The following HMOX2 variants were observed in gnomAD, a reference collection of about 807,000 sequenced individuals.
The protein encoded by HMOX2 is heme oxygenase (decycling) 2.
A neutral mutation model predicts 33.7 loss-of-function variants in HMOX2; 30 were observed. The observed-to-expected ratio is 0.89, with a 90% CI of 0.67 to 1.21. The LOEUF is 1.21. HMOX2 is among the 50% of genes most tolerant of loss of function. HMOX2 has a pLI of 0.00. For synonymous variants in HMOX2, 155 were observed against 155.0 expected, an observed-to-expected ratio of 1.00 and a Z score of 0.00; for missense variants, 403 against 399.1, an observed-to-expected ratio of 1.01 and a Z score of -0.08.
intron 1 of HMOX2, among the ~76,000 whole-genome samples, chr16:4,487,488 T>C (rs1238373141): frequency 1.3e-5 from 2 of 150,176 alleles, no homozygotes; most frequent in Non-Finnish European, 3.0e-5. Context: ...CTGACCAACA[T>C]GGAGAAACCC....
At position 4,508,126 on chromosome 16, in the gene HMOX2, G is replaced by A; in HGVS notation, c.618G>A (p.Met206Ile). 6.2e-7 allele frequency: 1 copy of A among 1,614,192 alleles called. No homozygotes were observed. The highest frequency in any genetic ancestry group is 2.2e-5 in the East Asian group (1 of 44,884). ...QQFKQLYRAR[M>I]NALDLNMKTK... ...TCAAGCAGCTCTACCGGGCCAGGAT[G>A]AACGCCCTGGACCTGAACATGAAGA... The change falls in exon 4 of 6, where the codon ATG (methionine) becomes ATA (isoleucine). Residue 206 changes from methionine to isoleucine, a missense_variant. Physicochemically the swap from Met to Ile is conservative, Grantham distance 10. Coordinates refer to ENST00000570646, the MANE Select transcript of HMOX2 (RefSeq NM_002134.4).
At chr16:4,478,405 A>C (rs1008282356) in intron 1 of HMOX2, among the ~76,000 whole-genome samples, 1 of 152,156 alleles carries the variant, frequency 6.6e-6, no homozygotes, top group Non-Finnish European at 1.5e-5. Flanking sequence ...CTACATCAGG[A>C]TTGCACCCAA....
chr16:4,500,681 C>A (rs1368978556), intron 1 of HMOX2, among the ~76,000 whole-genome samples: 1 of 152,184 alleles, frequency 6.6e-6, no homozygotes, highest in African/African-American at 2.4e-5. Flanking sequence ...AGTTACCTGA[C>A]CTGAAATTTG....
intron 1 of HMOX2, among the ~76,000 whole-genome samples, chr16:4,490,015 A>G (rs1423321858): frequency 1.3e-5 from 2 of 152,242 alleles, no homozygotes; most frequent in Non-Finnish European, 2.9e-5. Context: ...TCATTCATTC[A>G]GTCAACAAAC....
At chr16:4,504,682 CTTT>C (rs56922429) in intron 1 of HMOX2, among the ~76,000 whole-genome samples, 2 of 65,838 alleles carry the variant, frequency 3.0e-5, no homozygotes, top group African/African-American at 7.7e-5. Context: ...TTGATACGGT[CTTT>C]TTTTTTTTTT....
intron 1 of HMOX2, among the ~76,000 whole-genome samples, chr16:4,495,334 CCTT>C (rs2058393317): frequency 6.6e-6 from 1 of 152,194 alleles, no homozygotes; most frequent in African/African-American, 2.4e-5. Context: ...AGCCGACCAT[CCTT>C]CTTTGAGCAA....
At position 4,509,899 on chromosome 16, in the gene HMOX2, T is replaced by C; in HGVS notation, c.*143T>C. ...AAGGCAACCAATAAAAGCCAGATGCTAGAGCCTCTGCCTGACAGCATCCTC... is the reference window on the plus strand; with the variant it reads ...AAGGCAACCAATAAAAGCCAGATGCCAGAGCCTCTGCCTGACAGCATCCTC... On this transcript the variant is annotated 3_prime_UTR_variant, in exon 6 of 6. Transcript: ENST00000570646. 1 of 879,984 alleles carries C rather than the reference T, an allele frequency of 1.1e-6. No homozygotes were observed. The highest frequency in any genetic ancestry group is 1.7e-5 in the South Asian group (1 of 58,090). 54.5% of individuals were successfully genotyped at this position (879,984 alleles called of 1,614,324 possible).
At chr16:4,509,350 TAAAA>T in intron 4 of HMOX2, 58 bp from the exon 5 acceptor site, 2 of 1,377,232 alleles carry the variant, frequency 1.5e-6, no homozygotes, top group Non-Finnish European at 2.0e-6. Flanking sequence ...AAAAGACATT[TAAAA>T]AAAAAAAAAA....
At chr16:4,508,831 G>A (rs9925402) in intron 4 of HMOX2, among the ~76,000 whole-genome samples, 2,206 of 152,306 alleles carry the variant, frequency 0.014, 47 homozygotes, top group African/African-American at 0.051. Context: ...AGTTTCAGTG[G>A]CTTGAGCCAC....
chr16:4,508,413 G>T (rs1269838447), intron 4 of HMOX2, among the ~76,000 whole-genome samples: 1 of 152,156 alleles, frequency 6.6e-6, no homozygotes, highest in African/African-American at 2.4e-5. Flanking sequence ...AGATGCCAGT[G>T]GGTAGTGTTT....
chr16:4,507,684 T>C, intron 3 of HMOX2, 29 bp from the exon 4 acceptor site: 1 of 1,603,974 alleles, frequency 6.2e-7, no homozygotes, highest in Admixed American at 1.7e-5. Context: ...TGCTCAGGCA[T>C]AGCTGGCCTC....
intron 1 of HMOX2, among the ~76,000 whole-genome samples, chr16:4,480,961 G>C (rs1028954041): frequency 1.3e-5 from 2 of 150,366 alleles, no homozygotes; most frequent in Non-Finnish European, 3.0e-5. Flanking sequence ...GCCAGGCCTC[G>C]TATTTTTGCT....
At position 4,499,086 on chromosome 16, in the gene HMOX2, C is replaced by T. The variant is rs117954978; in HGVS notation, c.-41-6398C>T. ...GAATGAGGTCTGAGTCAGAAGTCCT[C>T]AGGTGTGACCTGCCCAGAACTATCT... On this transcript the variant is annotated intron_variant, in intron 1 of 5. Coordinates refer to ENST00000570646, the MANE Select transcript of HMOX2 (RefSeq NM_002134.4). Among the ~76,000 whole-genome samples the T allele has an allele frequency of 1.5e-3, 223 of 152,338 alleles. 3 individuals carry two copies. The East Asian group carries it at 0.035, about 24-fold the overall frequency.
chr16:4,498,061 CTTTTTTTTTT>C (rs35332500), intron 1 of HMOX2, among the ~76,000 whole-genome samples: 2 of 104,426 alleles, frequency 1.9e-5, no homozygotes, highest in African/African-American at 3.7e-5. Flanking sequence ...GATTCATTGT[CTTTTTTTTTT>C]TTTTTTTTTT....
At chr16:4,506,666 A>C (rs1826893666) in intron 2 of HMOX2, among the ~76,000 whole-genome samples, 1 of 152,218 alleles carries the variant, frequency 6.6e-6, no homozygotes, top group Non-Finnish European at 1.5e-5. Context: ...GGAGCAGGCC[A>C]CAGTTATCCC....
At chr16:4,477,685 G>A (rs2057903377) in intron 1 of HMOX2, among the ~76,000 whole-genome samples, 1 of 151,070 alleles carries the variant, frequency 6.6e-6, no homozygotes, top group South Asian at 2.1e-4. Context: ...TTGGGAGGCC[G>A]AGGCAGGCGG....
chr16:4,508,062 A>G lies in HMOX2; in HGVS notation c.554A>G (p.Gln185Arg). 1 of 1,614,166 alleles carries G rather than the reference A, an allele frequency of 6.2e-7. No homozygotes were observed. The highest frequency in any genetic ancestry group is 8.5e-7 in the Non-Finnish European group (1 of 1,180,030). Residue 185 changes from glutamine (Q) to arginine (R), a missense_variant, in exon 4 of 6, where the codon CAG becomes CGG. Physicochemically the swap from Gln to Arg is conservative, Grantham distance 43. Transcript: ENST00000570646. ...CTCCCCAGCACAGGGGAAGGGACCCAGTTCTACCTGTTTGAGAATGTGGAC... is the reference window on the plus strand; with the variant it reads ...CTCCCCAGCACAGGGGAAGGGACCCGGTTCTACCTGTTTGAGAATGTGGAC... ...LKLPSTGEGTQFYLFENVDNA... is the reference protein window; with the variant it reads ...LKLPSTGEGTRFYLFENVDNA...
chr16:4,500,932 C>G (rs775308854), intron 1 of HMOX2, among the ~76,000 whole-genome samples: 12 of 152,104 alleles, frequency 7.9e-5, no homozygotes, highest in Non-Finnish European at 1.5e-4. Context: ...GCTAGGAGTA[C>G]TGGAATTATG....
At chr16:4,487,099 A>C (rs2141540517) in intron 1 of HMOX2, among the ~76,000 whole-genome samples, 1 of 152,196 alleles carries the variant, frequency 6.6e-6, no homozygotes, top group East Asian at 1.9e-4. Context: ...TCTACAAAAA[A>C]ATTTTTAAAA....
Sources: gnomAD v4.1 joint callset for allele counts (sites outside exome capture counted in the v4.1 genomes callset) on GRCh38, gnomAD v4.1.1 for gene constraint, MANE v1.5 for transcripts, NCBI Gene and HGNC (gene_info 2026-07-23, HGNC 2026-07-21) for gene names.